Variants in UBXN11 observed in about 807,000 individuals in gnomAD.
UBXN11 encodes the protein UBX domain protein 11.
UBXN11 carries 47 observed loss-of-function variants against 62.8 expected under a neutral mutation model. The ratio of observed to expected loss-of-function variants is 0.75; its 90% CI spans 0.59 to 0.95. The LOEUF is 0.95. UBXN11 is among the 40% of genes least tolerant of loss of function. The probability of loss-of-function intolerance (pLI) is 0.00; values close to 1 mark genes in which losing one functional copy is unlikely to be tolerated. For missense variants in UBXN11, 638 were observed against 661.7 expected, an observed-to-expected ratio of 0.96 and a Z score of 0.39; for synonymous variants, 294 against 267.0, an observed-to-expected ratio of 1.10 and a Z score of -0.99.
intron 10 of UBXN11, chr1:26,284,905 C>T (rs954951996): frequency 2.7e-5 from 27 of 1,005,514 alleles, no homozygotes; most frequent in South Asian, 8.3e-5. Flanking sequence ...TAAACACCCC[C>T]GCGTCATGAC....
intron 8 of UBXN11, among the ~76,000 whole-genome samples, chr1:26,286,652 C>T (rs1480820138): frequency 1.3e-5 from 2 of 151,056 alleles, no homozygotes; most frequent in African/African-American, 4.9e-5. Flanking sequence ...CCAACTCCAC[C>T]TTGCACACAT....
Position 26,285,568 on chromosome 1 carries a change from G to A in UBXN11, c.775-27C>T, listed in dbSNP as rs374246364. 2.2e-3 allele frequency: 3,363 copies of A among 1,538,808 alleles called. 92 individuals are homozygous for A. In the South Asian group the frequency reaches 0.039, roughly 18 times the overall value. On this transcript the variant is annotated intron_variant, in intron 9 of 14. Transcript: ENST00000374222. ...TGCAAGGGAAGAGGAAAAGTGAGGG[G>A]GTGGCCTGGGCCTTGGGCCCACCCT...
chr1:26,286,413 A>G (rs1382073633), intron 8 of UBXN11, among the ~76,000 whole-genome samples: 1 of 152,246 alleles, frequency 6.6e-6, no homozygotes, highest in Non-Finnish European at 1.5e-5. Context: ...TGGCAGCTGA[A>G]AAGTACAGGG....
chr1:26,284,777 G>T, intron 10 of UBXN11: 1 of 1,183,998 alleles, frequency 8.4e-7, no homozygotes, highest in Non-Finnish European at 1.1e-6. Context: ...AGGGGGTCAG[G>T]AGAGGACAAA....
upstream of UBXN11, among the ~76,000 whole-genome samples, chr1:26,310,967 C>T (rs912530932): frequency 6.6e-6 from 1 of 151,994 alleles, no homozygotes; most frequent in Non-Finnish European, 1.5e-5. Flanking sequence ...TGGGGTCGCC[C>T]AGCCTCATCT....
Position 26,296,991 on chromosome 1 carries a change from C to T in UBXN11, c.360G>A (p.Glu120=), listed in dbSNP as rs745375643. The part of the protein sequence containing the change: ...LVQTLRPHPA[E]ATLQRQEELE... Reference sequence around the variant, plus strand: ...GTTCCTCCTGCCGCTGCAGGGTTGCCTCGGCTTCAGGGAAAGACAGGGACA... The same window carrying T: ...GTTCCTCCTGCCGCTGCAGGGTTGCTTCGGCTTCAGGGAAAGACAGGGACA... The change falls in exon 7 of 15, where the codon GAG becomes GAA. Residue 120 remains glutamate (E), a synonymous_variant. Coordinates refer to ENST00000374222, the MANE Select transcript of UBXN11 (RefSeq NM_001389556.1). The T allele has an allele frequency of 6.2e-7, 1 of 1,601,714 alleles. No individual in the cohort carries two copies. The highest frequency in any genetic ancestry group is 1.1e-5 in the South Asian group (1 of 88,892).
At chr1:26,290,435 A>G (rs1333680453) in intron 8 of UBXN11, among the ~76,000 whole-genome samples, 2 of 152,184 alleles carry the variant, frequency 1.3e-5, no homozygotes, top group African/African-American at 4.8e-5. Context: ...AGAGCAGCAC[A>G]GCCCACACAG....
intron 3 of UBXN11, among the ~76,000 whole-genome samples, 191 bp downstream of exon 3, chr1:26,301,503 C>T (rs2124667836): frequency 6.6e-6 from 1 of 152,250 alleles, no homozygotes; most frequent in Admixed American, 6.5e-5. Flanking sequence ...TATGGGGCCT[C>T]CTAATCTGAG....
At chr1:26,301,867 A>T (rs2073546045) in intron 2 of UBXN11, 145 bp from the exon 3 acceptor site, 1 of 1,102,226 alleles carries the variant, frequency 9.1e-7, no homozygotes, top group African/African-American at 1.6e-5. Context: ...TCCAGCCCCA[A>T]ATCCCAGCCC....
intron 10 of UBXN11, 138 bp from the exon 11 acceptor site, chr1:26,284,620 C>A (rs770401533): frequency 7.1e-7 from 1 of 1,401,180 alleles, no homozygotes; most frequent in Non-Finnish European, 9.3e-7. Flanking sequence ...GAAACCCAGG[C>A]CTCAGGAGAG....
At chr1:26,309,135 ATGTTGGCCAGTG>A (rs748103348), upstream of UBXN11, among the ~76,000 whole-genome samples, 24 of 151,484 alleles carry the variant, frequency 1.6e-4, no homozygotes, top group Non-Finnish European at 3.4e-4. Flanking sequence ...GGGTTTCACG[ATGTTGGCCAGTG>A]TGGTCTCCGT....
At chr1:26,303,221 A>G (rs1038475690) in intron 1 of UBXN11, 1 of 205,472 alleles carries the variant, frequency 4.9e-6, no homozygotes, top group South Asian at 1.7e-4. Context: ...AACTTTCCCA[A>G]ACTTAGAGCC....
chr1:26,284,811 A>G (rs1349924440), intron 10 of UBXN11: 2 of 1,095,250 alleles, frequency 1.8e-6, no homozygotes, highest in Non-Finnish European at 2.2e-6. Context: ...TCCAGTCTGC[A>G]GCACAAACCG....
At chr1:26,298,217 A>C (rs1041010538) in intron 4 of UBXN11, among the ~76,000 whole-genome samples, 155 bp from the exon 5 acceptor site, 1 of 152,198 alleles carries the variant, frequency 6.6e-6, no homozygotes, top group East Asian at 1.9e-4. Flanking sequence ...CTTCATGTAG[A>C]TCAACCCCCT....
At chr1:26,304,283 C>T (rs936680353) in intron 1 of UBXN11, among the ~76,000 whole-genome samples, 6 of 152,190 alleles carry the variant, frequency 3.9e-5, no homozygotes, top group African/African-American at 1.4e-4. Flanking sequence ...TCCAGCCTCC[C>T]AAATCTGTCC....
intron 6 of UBXN11, 52 bp from the exon 7 acceptor site, chr1:26,297,047 G>A (rs751821762): frequency 1.9e-6 from 3 of 1,553,766 alleles, no homozygotes; most frequent in Non-Finnish European, 2.6e-6. Flanking sequence ...GACACTGCCA[G>A]GTCACCTCTG....
chr1:26,282,382 TGGGGCCGGGACCGGGACCGGGACA>T lies in UBXN11; in HGVS notation c.1456_1479del (p.Cys486_Pro493del). 2 of 334,360 alleles carry T rather than the reference TGGGGCCGGGACCGGGACCGGGACA, an allele frequency of 6.0e-6. No homozygotes were observed. Among genetic ancestry groups the T allele is most frequent in the Admixed American group, 8.8e-5 (1 of 11,410 alleles). 20.7% of individuals were successfully genotyped at this position (334,360 alleles called of 1,614,324 possible). On this transcript the variant is annotated inframe_deletion, in exon 15 of 15. Transcript: ENST00000374222. The stretch of plus-strand genomic sequence containing the variant: ...CTGGGGCCGGGACCGGGACCGGGAC[TGGGGCCGGGACCGGGACCGGGACA>T]GGGACCAGGACTGAATTTCAGGCTG...
chr1:26,300,003 T>C (rs1031582709), intron 4 of UBXN11, among the ~76,000 whole-genome samples: 1 of 145,788 alleles, frequency 6.9e-6, no homozygotes, highest in African/African-American at 2.6e-5. Flanking sequence ...TCAAAAAAAA[T>C]AAAATAAAAA....
chr1:26,316,329 C>CA (rs1356394436), intron 1 of UBXN11, among the ~76,000 whole-genome samples: 1 of 151,668 alleles, frequency 6.6e-6, no homozygotes, highest in Admixed American at 6.6e-5. Context: ...ACACAAGGCC[C>CA]AAAACAATAG....
Sources: allele counts gnomAD v4.1 joint callset (sites outside exome capture counted in the v4.1 genomes callset), GRCh38; gene constraint gnomAD v4.1.1; transcripts MANE v1.5; gene names NCBI Gene and HGNC (gene_info 2026-07-23, HGNC 2026-07-21).